Variants in EXOC4 observed in about 807,000 individuals in gnomAD.
EXOC4 encodes exocyst complex component 4, also known as SEC8-like 1.
Under a neutral mutation model 107.2 loss-of-function variants are expected in EXOC4, and 71 were observed. That is an observed-to-expected ratio of 0.66 (90% CI 0.55 to 0.81). The LOEUF is 0.81. Among genes scored for constraint, EXOC4 ranks in the 30% least tolerant of loss-of-function variants. The pLI, the probability that EXOC4 is intolerant of heterozygous loss-of-function variation, is 0.00. For missense variants in EXOC4, 1,108 were observed against 1,189.6 expected (o/e 0.93, Z 1.01); for synonymous variants, 456 against 441.2 (o/e 1.03, Z -0.42).
chr7:133,962,879 C>T (rs931353630), intron 14 of EXOC4, among the ~76,000 whole-genome samples: 1 of 152,194 alleles, frequency 6.6e-6, no homozygotes, highest in African/African-American at 2.4e-5. Flanking sequence ...TACGTTAATT[C>T]CACACTGTGG....
intron 10 of EXOC4, among the ~76,000 whole-genome samples, chr7:133,701,430 C>T (rs912894414): frequency 1.3e-5 from 2 of 152,136 alleles, no homozygotes; most frequent in African/African-American, 4.8e-5. Flanking sequence ...AAGGATTTTG[C>T]ATACAGTGGG....
chr7:133,955,400 A>C (rs938997201), intron 14 of EXOC4, among the ~76,000 whole-genome samples: 4 of 152,220 alleles, frequency 2.6e-5, no homozygotes, highest in African/African-American at 9.6e-5. Flanking sequence ...CTCAGCAGAG[A>C]GGAGACCCTG....
chr7:133,797,025 G>T (rs2151190877), intron 10 of EXOC4, among the ~76,000 whole-genome samples: 1 of 152,288 alleles, frequency 6.6e-6, no homozygotes, highest in Non-Finnish European at 1.5e-5. Context: ...TACAGCTATA[G>T]CAAAAACTAA....
At chr7:133,575,587 A>G (rs1426183229) in intron 9 of EXOC4, among the ~76,000 whole-genome samples, 1 of 152,188 alleles carries the variant, frequency 6.6e-6, no homozygotes, top group Middle Eastern at 3.2e-3. Flanking sequence ...CACATCTGGT[A>G]TGTGGCATGT....
chr7:134,072,706 C>T, the EXOC4 span, among the ~76,000 whole-genome samples: 1 of 152,146 alleles, frequency 6.6e-6, no homozygotes, highest in African/African-American at 2.4e-5. Flanking sequence ...CCCTCTGTTG[C>T]CTCATCTTTG....
chr7:133,885,358 T>C (rs1235982973), intron 11 of EXOC4, among the ~76,000 whole-genome samples: 1 of 151,810 alleles, frequency 6.6e-6, no homozygotes, highest in Admixed American at 6.6e-5. Flanking sequence ...GAGTTAGTGG[T>C]CTGATTTCAC....
In EXOC4 at chr7:133,310,528, G is replaced by T. The variant is rs1258288414; in HGVS notation, c.656+4467G>T. On this transcript the variant is annotated intron_variant, in intron 4 of 17. Coordinates refer to ENST00000253861, the MANE Select transcript of EXOC4 (RefSeq NM_021807.4). ...AGTCTGGGTAACTAAAACAGGAAAA[G>T]AATTTATTGGAAAGTTATCAGGTTG... Among the ~76,000 whole-genome samples the T allele has an allele frequency of 3.3e-5, 5 of 152,304 alleles. No individual in the cohort carries two copies. The East Asian group carries it at 7.7e-4, about 24-fold the overall frequency.
chr7:133,329,630 G>A (rs1271227095), intron 5 of EXOC4, among the ~76,000 whole-genome samples: 1 of 152,206 alleles, frequency 6.6e-6, no homozygotes, highest in Non-Finnish European at 1.5e-5. Flanking sequence ...TTTTGTTGAT[G>A]TTGATACTAT....
chr7:134,083,474 G>A, the EXOC4 span, among the ~76,000 whole-genome samples: 2 of 152,156 alleles, frequency 1.3e-5, no homozygotes, highest in East Asian at 1.9e-4. Context: ...TTTGAGGGGC[G>A]ATCAGCTGGG....
intron 13 of EXOC4, among the ~76,000 whole-genome samples, chr7:133,923,841 G>C (rs1430232861): frequency 6.6e-6 from 1 of 152,150 alleles, no homozygotes; most frequent in African/African-American, 2.4e-5. Context: ...AAGTCACAGA[G>C]ATGTTTTCTT....
chr7:133,361,357 T>C (rs572925159), intron 6 of EXOC4, among the ~76,000 whole-genome samples: 1 of 152,304 alleles, frequency 6.6e-6, no homozygotes, highest in South Asian at 2.1e-4. Flanking sequence ...CTTGGCTCAC[T>C]GCAAGCTCCG....
chr7:133,674,466 G>A (rs1794013239), intron 10 of EXOC4, among the ~76,000 whole-genome samples: 1 of 152,048 alleles, frequency 6.6e-6, no homozygotes, highest in Non-Finnish European at 1.5e-5. Flanking sequence ...TGCAATTCAG[G>A]TATATAAAAA....
chr7:133,504,125 A>G (rs181366106), intron 9 of EXOC4, among the ~76,000 whole-genome samples: 113 of 152,324 alleles, frequency 7.4e-4, no homozygotes, highest in Non-Finnish European at 1.2e-3. Context: ...TAGTAAAAGC[A>G]TATGAAATGA....
At chr7:134,084,442 A>G in the EXOC4 span, among the ~76,000 whole-genome samples, 1 of 152,186 alleles carries the variant, frequency 6.6e-6, no homozygotes, top group Non-Finnish European at 1.5e-5. Flanking sequence ...CATCAAGGCA[A>G]GGAGAAGAGT....
At chr7:133,324,382 A>G (rs985147466) in intron 5 of EXOC4, among the ~76,000 whole-genome samples, 3 of 152,158 alleles carry the variant, frequency 2.0e-5, no homozygotes, top group Non-Finnish European at 2.9e-5. Flanking sequence ...ACTGCTTTAA[A>G]TGTGTCCCAG....
At chr7:134,004,280 G>A (rs1794592867) in intron 15 of EXOC4, among the ~76,000 whole-genome samples, 1 of 152,100 alleles carries the variant, frequency 6.6e-6, no homozygotes, top group Non-Finnish European at 1.5e-5. Flanking sequence ...TACTTACTAT[G>A]CACGCCATTT....
intron 11 of EXOC4, among the ~76,000 whole-genome samples, chr7:133,881,599 A>G (rs560234718): frequency 6.6e-6 from 1 of 152,192 alleles, no homozygotes; most frequent in Non-Finnish European, 1.5e-5. Context: ...TTATCTTGCT[A>G]GTATCTAAGA....
chr7:133,878,932 C>T (rs900307097), intron 11 of EXOC4, among the ~76,000 whole-genome samples: 4 of 152,002 alleles, frequency 2.6e-5, no homozygotes, highest in African/African-American at 9.7e-5. Flanking sequence ...ATCATGTTGG[C>T]CAGGCTGGTC....
At chr7:133,738,131 C>G (rs1054884560) in intron 10 of EXOC4, among the ~76,000 whole-genome samples, 1 of 151,812 alleles carries the variant, frequency 6.6e-6, no homozygotes, top group African/African-American at 2.4e-5. Flanking sequence ...AGACTGGTCT[C>G]GGACCCCTGA....
Sources: allele counts gnomAD v4.1 joint callset (sites outside exome capture counted in the v4.1 genomes callset), GRCh38; gene constraint gnomAD v4.1.1; transcripts MANE v1.5; gene names NCBI Gene and HGNC (gene_info 2026-07-23, HGNC 2026-07-21).